AGO2: variants seen among roughly 807,000 people sequenced by gnomAD.
The protein encoded by AGO2 is protein argonaute-2.
In AGO2, 5 loss-of-function variants were observed where a neutral mutation model predicts 102.3. The ratio of observed to expected loss-of-function variants is 0.05; its 90% CI spans 0.03 to 0.10. AGO2 has a LOEUF of 0.10. Ranked by LOEUF, AGO2 falls within the 10% of genes least tolerant of loss-of-function variation. The pLI is 1.00. For missense variants in AGO2, 541 were observed against 1,183.7 expected (o/e 0.46, Z 7.97); for synonymous variants, 449 against 473.1 (o/e 0.95, Z 0.66).
At chr8:140,555,605 C>T (rs1170679930) in intron 10 of AGO2, 12 of 312,938 alleles carry the variant, frequency 3.8e-5, no homozygotes, top group African/African-American at 1.9e-4. Flanking sequence ...GGAAATAATT[C>T]GACCCTCGGT....
intron 16 of AGO2, among the ~76,000 whole-genome samples, chr8:140,538,498 G>A (rs1407182855): frequency 6.6e-6 from 1 of 152,212 alleles, no homozygotes; most frequent in East Asian, 1.9e-4. Flanking sequence ...TTCGTCAGCT[G>A]TGGAGAATTC....
intron 3 of AGO2, 48 bp from the exon 4 acceptor site, chr8:140,562,682 AG>A (rs750363876): frequency 6.3e-7 from 1 of 1,580,802 alleles, no homozygotes; most frequent in African/African-American, 1.3e-5. Flanking sequence ...GCGAAGCCCC[AG>A]GGAGGACGCA....
chr8:140,558,026 T>G, intron 7 of AGO2, among the ~76,000 whole-genome samples: 1 of 152,034 alleles, frequency 6.6e-6, no homozygotes, highest in Non-Finnish European at 1.5e-5. Context: ...TATCACCTCC[T>G]CCCGCAAAGA....
At chr8:140,623,834 A>G (rs577604651) in intron 1 of AGO2, among the ~76,000 whole-genome samples, 2 of 152,312 alleles carry the variant, frequency 1.3e-5, no homozygotes, top group South Asian at 4.1e-4. Flanking sequence ...ATGGCTGCAG[A>G]ACTTTTCAAA....
chr8:140,582,001 TTTATA>T (rs2073565665), intron 2 of AGO2, among the ~76,000 whole-genome samples: 1 of 152,318 alleles, frequency 6.6e-6, no homozygotes, highest in Middle Eastern at 3.4e-3. Flanking sequence ...TACACAACCA[TTTATA>T]ATAGCATCCA....
intron 1 of AGO2, among the ~76,000 whole-genome samples, chr8:140,603,003 C>T (rs1287977799): frequency 6.6e-6 from 1 of 152,248 alleles, no homozygotes; most frequent in Non-Finnish European, 1.5e-5. Context: ...GTGCCACGTG[C>T]AGTGTTCTGG....
intron 16 of AGO2, among the ~76,000 whole-genome samples, chr8:140,536,178 A>C (rs1373208036): frequency 6.6e-6 from 1 of 152,234 alleles, no homozygotes; most frequent in Non-Finnish European, 1.5e-5. Context: ...AAGTCAGCCA[A>C]GATGCAGGCA....
chr8:140,604,299 T>A (rs2073966586), intron 1 of AGO2, among the ~76,000 whole-genome samples: 1 of 152,268 alleles, frequency 6.6e-6, no homozygotes, highest in African/African-American at 2.4e-5. Context: ...GAGTTCATGT[T>A]CAAGAACTTG....
chr8:140,578,143 C>A (rs148291893), intron 2 of AGO2, among the ~76,000 whole-genome samples: 21 of 152,160 alleles, frequency 1.4e-4, no homozygotes, highest in Admixed American at 2.6e-4. Context: ...GAGGAGGGGC[C>A]GATCTTGTGT....
chr8:140,599,504 A>G (rs186071191), intron 1 of AGO2, among the ~76,000 whole-genome samples: 2 of 152,014 alleles, frequency 1.3e-5, no homozygotes, highest in African/African-American at 2.4e-5. Context: ...AATGCCCCCA[A>G]CCCCCTAAAA....
intron 14 of AGO2, among the ~76,000 whole-genome samples, chr8:140,543,359 T>C (rs1263866148): frequency 1.3e-5 from 2 of 152,204 alleles, no homozygotes; most frequent in Non-Finnish European, 2.9e-5. Flanking sequence ...TCATGTTGCT[T>C]TTCTTCCACC....
At chr8:140,592,640 C>G (rs541591504) in intron 1 of AGO2, 7 of 152,172 alleles carry the variant, frequency 4.6e-5, no homozygotes, top group Admixed American at 3.3e-4. Flanking sequence ...ATAGTCTTTA[C>G]TGTTTGTTTG....
intron 10 of AGO2, among the ~76,000 whole-genome samples, chr8:140,553,858 C>T (rs1226793290): frequency 1.3e-5 from 2 of 151,784 alleles, no homozygotes; most frequent in African/African-American, 2.4e-5. Context: ...GCCACCATGC[C>T]CAGCTAATTT....
At chr8:140,626,701 T>A (rs945824454) in intron 1 of AGO2, 1 of 152,220 alleles carries the variant, frequency 6.6e-6, no homozygotes, top group Non-Finnish European at 1.5e-5. Context: ...TCCTGCAACG[T>A]CACATGAGCC....
intron 6 of AGO2, among the ~76,000 whole-genome samples, chr8:140,558,989 C>A (rs1013975661): frequency 6.6e-5 from 10 of 152,320 alleles, no homozygotes; most frequent in African/African-American, 2.4e-4. Context: ...TAGACCCCCC[C>A]CAATCTGAGT....
intron 8 of AGO2, 75 bp from the exon 9 acceptor site, chr8:140,556,361 G>A (rs1478877458): frequency 6.3e-7 from 1 of 1,578,558 alleles, no homozygotes; most frequent in Non-Finnish European, 8.6e-7. Context: ...GGGCTCAGGG[G>A]CTGGTGGCCT....
chr8:140,549,848 G>A (rs1039400224), intron 11 of AGO2, among the ~76,000 whole-genome samples: 19 of 152,306 alleles, frequency 1.2e-4, no homozygotes, highest in African/African-American at 3.4e-4. Flanking sequence ...AGCTGGCAAC[G>A]GCTAGCCTTG....
intron 13 of AGO2, among the ~76,000 whole-genome samples, chr8:140,546,951 C>A (rs12543064): frequency 2.0e-5 from 3 of 152,220 alleles, no homozygotes; most frequent in Admixed American, 6.5e-5. Context: ...CCGTCCCCGG[C>A]GGTCAGCCCT....
rs148933423 is a variant in AGO2, at chr8:140,527,282, G to A, written c.*4762C>T. On this transcript the variant is annotated 3_prime_UTR_variant, in exon 19 of 19. Coordinates refer to ENST00000220592, the MANE Select transcript of AGO2 (RefSeq NM_012154.5). The surrounding 1 kb of genome is among the most constrained non-coding windows in gnomAD (Gnocchi z 6.0). Reference sequence around the variant, plus strand: ...GTCAACAGACACGAAGCTAAAGGGCGGAACAGAGTTAAGTCCACACAACTT... The same window carrying A: ...GTCAACAGACACGAAGCTAAAGGGCAGAACAGAGTTAAGTCCACACAACTT... The A allele has an allele frequency of 2.6e-5, 4 of 152,268 alleles. No homozygotes were observed. Among genetic ancestry groups the A allele is most frequent in the South Asian group, 2.1e-4 (1 of 4,814 alleles). The allele number at this position is 152,268 out of a possible 1,614,324, so 9.4% of individuals were successfully genotyped here. A position where few individuals can be genotyped will look rare whatever the true frequency, so the allele number is the denominator to read the frequency against.
Sources: allele counts gnomAD v4.1 joint callset (sites outside exome capture counted in the v4.1 genomes callset), GRCh38; gene constraint gnomAD v4.1.1; non-coding constraint Gnocchi (gnomAD v3.1); transcripts MANE v1.5; gene names NCBI Gene and HGNC (gene_info 2026-07-23, HGNC 2026-07-21).